Variants in DHX58 observed in about 807,000 individuals in gnomAD.
DHX58 encodes the protein DExH-box helicase 58.
A neutral mutation model predicts 65.0 loss-of-function variants in DHX58; 51 were observed. The ratio of observed to expected loss-of-function variants is 0.78; its 90% CI spans 0.63 to 0.99. The LOEUF is 0.99. Among genes scored for constraint, DHX58 ranks in the 50% least tolerant of loss-of-function variants. The probability of loss-of-function intolerance (pLI) is 0.00; values close to 1 mark genes in which losing one functional copy is unlikely to be tolerated. For missense variants in DHX58, 773 were observed against 891.8 expected, an observed-to-expected ratio of 0.87 and a Z score of 1.70; for synonymous variants, 350 against 365.0, an observed-to-expected ratio of 0.96 and a Z score of 0.47.
rs1555662548 is a variant in DHX58, at chr17:42,105,868, G to A, written c.1119C>T (p.Phe373=). ...SSSNSPRGII[F]TRTRQSAHSL... ...AGTGTGCGCTTTGGCGGGTGCGGGT[G>A]AAGATGATACCCCGAGGGCTGTTAG... Residue 373 remains phenylalanine, a synonymous_variant, in exon 9 of 14, where the codon TTC becomes TTT. Transcript: ENST00000251642. 3.7e-6 allele frequency: 6 copies of A among 1,614,016 alleles called. No individual in the cohort carries two copies. The highest frequency in any genetic ancestry group is 1.7e-4 in the Middle Eastern group (1 of 6,060).
chr17:42,103,225 AATGG>A (rs1215561629), intron 12 of DHX58: 6 of 238,044 alleles, frequency 2.5e-5, no homozygotes, highest in Admixed American at 1.2e-4. Flanking sequence ...TAACATAATG[AATGG>A]ATGGAGGATG....
At chr17:42,102,110 G>A in intron 13 of DHX58, 106 bp downstream of exon 13, 1 of 1,453,202 alleles carries the variant, frequency 6.9e-7, no homozygotes, top group Non-Finnish European at 9.5e-7. Flanking sequence ...TCAGACTGGA[G>A]GCCATGGGGT....
intron 12 of DHX58, 22 bp from the exon 13 acceptor site, chr17:42,102,334 C>T (rs377302611): frequency 1.9e-5 from 30 of 1,605,624 alleles, no homozygotes; most frequent in Non-Finnish European, 2.6e-5. Context: ...GGGGGGTGGC[C>T]ACAGCCCTCA....
intron 3 of DHX58, 82 bp downstream of exon 3, chr17:42,111,643 G>A (rs1467270520): frequency 1.3e-6 from 2 of 1,570,072 alleles, no homozygotes; most frequent in Non-Finnish European, 1.7e-6. Flanking sequence ...CAGCTTTGGA[G>A]TTCTGGTGGG....
intron 8 of DHX58, among the ~76,000 whole-genome samples, chr17:42,106,538 C>T (rs535392790): frequency 1.6e-4 from 24 of 152,044 alleles, no homozygotes; most frequent in Non-Finnish European, 2.9e-4. Context: ...TGGCTCACGC[C>T]TGTAATCCCA....
chr17:42,103,769 G>A lies in DHX58; in HGVS notation c.1593C>T (p.Thr531=). 6.2e-7 allele frequency: 1 copy of A among 1,610,032 alleles called. No individual in the cohort carries two copies. The highest frequency in any genetic ancestry group is 8.5e-7 in the Non-Finnish European group (1 of 1,179,910). ...GCTGGGCTGCCTGGGCCGCCCGCTT[G>A]GTCAAGGCTGCCTGCTGCAGATCCC... ...KIRDLQQAAL[T]KRAAQAAQRE... Residue 531 remains threonine (T), a synonymous_variant, in exon 12 of 14, where the codon ACC becomes ACT. Coordinates refer to ENST00000251642, the MANE Select transcript of DHX58 (RefSeq NM_024119.3).
chr17:42,104,623 T>C (rs1320385095), intron 11 of DHX58, 143 bp downstream of exon 11: 17 of 1,063,774 alleles, frequency 1.6e-5, no homozygotes, highest in Middle Eastern at 2.8e-4. Context: ...ACCCCGGCCC[T>C]TATTTAAACC....
chr17:42,107,996 T>C lies in DHX58; in HGVS notation c.791A>G (p.Lys264Arg), dbSNP rs1555663187. 1.2e-6 allele frequency: 2 copies of C among 1,614,178 alleles called. No individual in the cohort carries two copies. The highest frequency in any genetic ancestry group is 2.2e-5 in the South Asian group (2 of 91,088). The change falls in exon 7 of 14, where the codon AAG becomes AGG. Residue 264 changes from lysine (K) to arginine (R), a missense_variant. Physicochemically the swap from Lys to Arg is conservative, Grantham distance 26. Coordinates refer to ENST00000251642, the MANE Select transcript of DHX58 (RefSeq NM_024119.3). ...GTQMYEQQVV[K>R]LSEAAALAGL... ...GCCCCTCTCACCAGCCTCACTCAGC[T>C]TCACCACCTGCTGCTCATACATTTG...
At chr17:42,102,834 T>C (rs1251484774) in intron 12 of DHX58, 4 of 152,342 alleles carry the variant, frequency 2.6e-5, no homozygotes, top group South Asian at 2.1e-4. Flanking sequence ...CTCACTCTAT[T>C]GCCCAGGCTG....
rs1555661984 is a variant in DHX58 at position 42,103,718 on chromosome 17, T to C, written c.1644A>G (p.Pro548=). 2 of 1,613,664 alleles carry C rather than the reference T, an allele frequency of 1.2e-6. No homozygotes were observed. The highest frequency in any genetic ancestry group is 1.1e-5 in the South Asian group (1 of 91,070). ...TGCAGAGTAGCTGCACGTGCTCCAC[T>C]GGGAACTGCTGCCGCTGGTTCTCCC... ...AQRENQRQQF[P]VEHVQLLCIN... The change falls in exon 12 of 14, where the codon CCA becomes CCG. Residue 548 remains proline (P), a synonymous_variant. Transcript: ENST00000251642.
At chr17:42,103,576 C>T (rs781810659) in intron 12 of DHX58, 32 bp downstream of exon 12, 2 of 1,611,526 alleles carry the variant, frequency 1.2e-6, no homozygotes, top group East Asian at 4.5e-5. Context: ...TTCCCAGGCC[C>T]CCATCCCAGT....
Position 42,107,974 on chromosome 17 carries a change from C to T in DHX58, c.805+8G>A, listed in dbSNP as rs782527847. 6.2e-7 allele frequency: 1 copy of T among 1,614,128 alleles called. No individual in the cohort carries two copies. The highest frequency in any genetic ancestry group is 8.5e-7 in the Non-Finnish European group (1 of 1,180,032). ...CCTCGCCTCCGCCAGAAGGGCTGCCCCTCTCACCAGCCTCACTCAGCTTCA... is the reference window on the plus strand; with the variant it reads ...CCTCGCCTCCGCCAGAAGGGCTGCCTCTCTCACCAGCCTCACTCAGCTTCA... On this transcript the variant is annotated splice_region_variant and intron_variant, in intron 7 of 13. Transcript: ENST00000251642.
In DHX58 at chr17:42,101,828, A is replaced by G; in HGVS notation, c.1970T>C (p.Phe657Ser). 6.2e-7 allele frequency: 1 copy of G among 1,614,162 alleles called. No homozygotes were observed. Among genetic ancestry groups the G allele is most frequent in the Non-Finnish European group, 8.5e-7 (1 of 1,180,026 alleles). Residue 657 changes from phenylalanine (F) to serine (S), a missense_variant, in exon 14 of 14, where the codon TTC (phenylalanine) becomes TCC (serine). Coordinates refer to ENST00000251642, the MANE Select transcript of DHX58 (RefSeq NM_024119.3). ...IQAKKWSRVP[F>S]SVPDFDFLQH... ...CAGGAAGTCAAAGTCAGGCACGGAG[A>G]AGGGCACGCGGGACCACTTTTTGGC...
At chr17:42,102,439 C>T (rs149864312) in intron 12 of DHX58, 127 bp from the exon 13 acceptor site, 1 of 765,408 alleles carries the variant, frequency 1.3e-6, no homozygotes, top group East Asian at 2.5e-5. Flanking sequence ...CACAGACTTC[C>T]CAGGCCAGGA....
chr17:42,106,242 GA>G (rs1250075861), intron 8 of DHX58, among the ~76,000 whole-genome samples: 2 of 123,882 alleles, frequency 1.6e-5, no homozygotes, highest in East Asian at 2.6e-4. Context: ...GGGAAAGAAA[GA>G]AAAAAAGGAA....
Position 42,103,733 on chromosome 17 carries a change from C to A in DHX58, c.1629G>T (p.Gln543His). Residue 543 changes from glutamine (Q) to histidine (H), a missense_variant, in exon 12 of 14, where the codon CAG becomes CAT. Gln to His is a conservative substitution (Grantham distance 24, BLOSUM62 0). Transcript: ENST00000251642. ...CGTGCTCCACTGGGAACTGCTGCCG[C>A]TGGTTCTCCCGCTGGGCTGCCTGGG... ...RAAQAAQREN[Q>H]RQQFPVEHVQ... 3 of 1,613,382 alleles carry A rather than the reference C, an allele frequency of 1.9e-6. No homozygotes were observed. The highest frequency in any genetic ancestry group is 2.5e-6 in the Non-Finnish European group (3 of 1,180,036).
In DHX58 at chr17:42,105,856, G is replaced by C. The variant is rs1401963859; in HGVS notation, c.1131C>G (p.Arg377=). The change falls in exon 9 of 14, where the codon CGC becomes CGG. Residue 377 remains arginine, a synonymous_variant. Transcript: ENST00000251642. ...AGAGCAGGAGGGAGTGTGCGCTTTG[G>C]CGGGTGCGGGTGAAGATGATACCCC... The part of the protein sequence containing the change: ...SPRGIIFTRT[R]QSAHSLLLWL... The C allele has an allele frequency of 6.2e-7, 1 of 1,614,042 alleles. No individual in the cohort carries two copies. The highest frequency in any genetic ancestry group is 8.5e-7 in the Non-Finnish European group (1 of 1,180,022).
intron 5 of DHX58, among the ~76,000 whole-genome samples, chr17:42,109,953 C>G (rs1216373044): frequency 6.6e-6 from 1 of 151,188 alleles, no homozygotes; most frequent in African/African-American, 2.4e-5. Flanking sequence ...TATGGGAGGC[C>G]AAGGCAGGTG....
chr17:42,109,389 G>A lies in DHX58; in HGVS notation c.562-3C>T, dbSNP rs782429102. 8.1e-6 allele frequency: 13 copies of A among 1,612,172 alleles called. No individual in the cohort carries two copies. Among genetic ancestry groups the A allele is most frequent in the Non-Finnish European group, 1.0e-5 (12 of 1,178,860 alleles). On this transcript the variant is annotated splice_polypyrimidine_tract_variant and splice_region_variant and intron_variant, in intron 5 of 13. Transcript: ENST00000251642. Reference sequence around the variant, plus strand: ...CACGTGTCCAAGTTGGCACAGAGCTGGGGGCAACAGAGGACTTTACTGGAA... The same window carrying A: ...CACGTGTCCAAGTTGGCACAGAGCTAGGGGCAACAGAGGACTTTACTGGAA...
Sources: gnomAD v4.1 joint callset for allele counts (sites outside exome capture counted in the v4.1 genomes callset) on GRCh38, gnomAD v4.1.1 for gene constraint, MANE v1.5 for transcripts, NCBI Gene and HGNC (gene_info 2026-07-23, HGNC 2026-07-21) for gene names.